NPY2R: variants seen among roughly 807,000 people sequenced by gnomAD.
NPY2R encodes neuropeptide Y receptor type 2.
A neutral mutation model predicts 22.3 loss-of-function variants in NPY2R; 17 were observed. That is an observed-to-expected ratio of 0.76 (90% CI 0.52 to 1.14). NPY2R has a LOEUF of 1.14. Among genes scored for constraint, NPY2R ranks in the 50% most tolerant of loss-of-function variants. NPY2R has a pLI of 0.00. For synonymous variants in NPY2R, 209 were observed against 183.4 expected, an observed-to-expected ratio of 1.14 and a Z score of -1.13; for missense variants, 424 against 467.9, an observed-to-expected ratio of 0.91 and a Z score of 0.87.
chr4:155,215,553 T>A lies in NPY2R; in HGVS notation c.*468T>A, dbSNP rs544635358. 1 of 198,382 alleles carries A rather than the reference T, an allele frequency of 5.0e-6. No individual in the cohort carries two copies. Among genetic ancestry groups the A allele is most frequent in the African/African-American group, 2.4e-5 (1 of 42,180 alleles). The allele number at this position is 198,382 out of a possible 1,614,324, so 12.3% of individuals were successfully genotyped here. Reference sequence around the variant, plus strand: ...CCAGGGAGCCACAGGCTCTCCTTCATCGCATTTTGATTTTTTTGTTCATTC... The same window carrying A: ...CCAGGGAGCCACAGGCTCTCCTTCAACGCATTTTGATTTTTTTGTTCATTC... On this transcript the variant is annotated 3_prime_UTR_variant, in exon 2 of 2. Transcript: ENST00000329476.
chr4:155,182,333 A>T, the NPY2R span, among the ~76,000 whole-genome samples: 1 of 152,142 alleles, frequency 6.6e-6, no homozygotes, highest in African/African-American at 2.4e-5. Flanking sequence ...AATTGCACTA[A>T]CTACCCCTAA....
chr4:155,202,208 T>C, the NPY2R span, among the ~76,000 whole-genome samples: 2 of 152,278 alleles, frequency 1.3e-5, no homozygotes, highest in East Asian at 1.9e-4. Flanking sequence ...AGTATTTCTA[T>C]CTAGGTTTAC....
In NPY2R at chr4:155,216,488, A is replaced by G. The variant is rs1015154356; in HGVS notation, c.*1403A>G. The G allele has an allele frequency of 3.0e-5, 5 of 166,764 alleles. No homozygotes were observed. Among genetic ancestry groups the G allele is most frequent in the African/African-American group, 9.6e-5 (4 of 41,472 alleles). 10.3% of individuals were successfully genotyped at this position (166,764 alleles called of 1,614,324 possible). On this transcript the variant is annotated 3_prime_UTR_variant, in exon 2 of 2. Transcript: ENST00000329476. ...TTTCATTAGTCATATTTTTGTAAAT[A>G]TGACAGAATTTGTGAATATATTTTT...
intron 1 of NPY2R, among the ~76,000 whole-genome samples, chr4:155,209,621 A>T (rs921921900): frequency 6.6e-6 from 1 of 152,204 alleles, no homozygotes; most frequent in African/African-American, 2.4e-5. Context: ...AATATTTTCA[A>T]CTTTCTACTG....
rs1215123037 is a variant in NPY2R at position 155,217,061 on chromosome 4, A to C, written c.*1976A>C. ...TGTAGAGGCTTTATGTTGCAATTAAAAAGTTGGGAAAATGAGAGAAATTGT... is the reference window on the plus strand; with the variant it reads ...TGTAGAGGCTTTATGTTGCAATTAACAAGTTGGGAAAATGAGAGAAATTGT... On this transcript the variant is annotated 3_prime_UTR_variant, in exon 2 of 2. Coordinates refer to ENST00000329476, the MANE Select transcript of NPY2R (RefSeq NM_000910.4). The C allele has an allele frequency of 6.0e-6, 1 of 165,390 alleles. No homozygotes were observed. Among genetic ancestry groups the C allele is most frequent in the Non-Finnish European group, 1.5e-5 (1 of 68,122 alleles). 10.2% of individuals were successfully genotyped at this position (165,390 alleles called of 1,614,324 possible).
chr4:155,182,823 C>T, the NPY2R span, among the ~76,000 whole-genome samples: 29 of 152,104 alleles, frequency 1.9e-4, no homozygotes, highest in African/African-American at 6.3e-4. Context: ...GATGGAGTCT[C>T]GCTGTTTCAC....
chr4:155,186,277 C>G, the NPY2R span, among the ~76,000 whole-genome samples: 1 of 152,122 alleles, frequency 6.6e-6, no homozygotes, highest in Admixed American at 6.6e-5. Context: ...TAGTTTAACA[C>G]AGCTTTATAT....
chr4:155,183,281 A>G, the NPY2R span, among the ~76,000 whole-genome samples: 1 of 152,152 alleles, frequency 6.6e-6, no homozygotes, highest in African/African-American at 2.4e-5. Context: ...TGCTAAACAA[A>G]CGCCTCCATT....
At chr4:155,184,775 G>T in the NPY2R span, among the ~76,000 whole-genome samples, 1 of 151,916 alleles carries the variant, frequency 6.6e-6, no homozygotes, top group Non-Finnish European at 1.5e-5. Context: ...TAGTCTAATT[G>T]TGTCTGGCAA....
chr4:155,176,802 G>T, the NPY2R span, among the ~76,000 whole-genome samples: 1 of 152,082 alleles, frequency 6.6e-6, no homozygotes, highest in African/African-American at 2.4e-5. Flanking sequence ...TATCTGGCGG[G>T]GACCCAGTGT....
rs374058599 is a variant in NPY2R at position 155,213,997 on chromosome 4, G to T, written c.58G>T (p.Glu20Ter). 18 of 1,613,966 alleles carry T rather than the reference G, an allele frequency of 1.1e-5. No homozygotes were observed. Among genetic ancestry groups the T allele is most frequent in the Non-Finnish European group, 1.5e-5 (18 of 1,180,014 alleles). ...ENQTVEEMKV[E>*]QYGPQTTPRG... ...CCAGACAGTGGAAGAAATGAAGGTG[G>T]AACAATACGGGCCACAAACAACTCC... Residue 20 changes from glutamate to a stop codon, truncating the protein, a stop_gained, in exon 2 of 2, where the codon GAA becomes TAA. Transcript: ENST00000329476. LOFTEE classifies it high-confidence loss of function.
chr4:155,194,147 T>G, the NPY2R span, among the ~76,000 whole-genome samples: 1 of 150,174 alleles, frequency 6.7e-6, no homozygotes, highest in African/African-American at 2.4e-5. Flanking sequence ...TGGAAGCAGA[T>G]GGCACACATT....
chr4:155,202,655 A>G, the NPY2R span, among the ~76,000 whole-genome samples: 72,098 of 151,890 alleles, frequency 0.47, 18,088 homozygotes, highest in African/African-American at 0.64. Flanking sequence ...CCAAAATGCT[A>G]TGTGAAAACT....
chr4:155,176,413 C>T, the NPY2R span, among the ~76,000 whole-genome samples: 12 of 152,116 alleles, frequency 7.9e-5, no homozygotes, highest in Admixed American at 7.9e-4. Flanking sequence ...TGGTAGATGG[C>T]CACTGGCAGA....
At chr4:155,180,858 TTA>T in the NPY2R span, among the ~76,000 whole-genome samples, 1 of 151,542 alleles carries the variant, frequency 6.6e-6, no homozygotes, top group Non-Finnish European at 1.5e-5. Context: ...TATTTATTTA[TTA>T]TATATAAATA....
chr4:155,174,478 A>ATATATATATATG, the NPY2R span, among the ~76,000 whole-genome samples: 2 of 88,758 alleles, frequency 2.3e-5, no homozygotes, highest in African/African-American at 1.2e-4. Context: ...ATATATATAT[A>ATATATATATATG]TATATATTTT....
chr4:155,174,484 A>ATATATTT, the NPY2R span, among the ~76,000 whole-genome samples: 207 of 106,064 alleles, frequency 2.0e-3, 3 homozygotes, highest in Admixed American at 3.7e-3. Context: ...ATATATATAT[A>ATATATTT]TTTTTTTTTT....
chr4:155,190,495 A>G, the NPY2R span, among the ~76,000 whole-genome samples: 1 of 151,944 alleles, frequency 6.6e-6, no homozygotes, highest in Non-Finnish European at 1.5e-5. Context: ...AACTTCCTGT[A>G]CTATATTAGT....
intron 1 of NPY2R, among the ~76,000 whole-genome samples, chr4:155,211,290 A>T (rs1463083185): frequency 2.6e-5 from 4 of 152,202 alleles, no homozygotes; most frequent in African/African-American, 9.6e-5. Flanking sequence ...GAAAACAGTC[A>T]CAACGTGGCA....
Sources: allele counts gnomAD v4.1 joint callset (sites outside exome capture counted in the v4.1 genomes callset), GRCh38; gene constraint gnomAD v4.1.1; transcripts MANE v1.5; gene names NCBI Gene and HGNC (gene_info 2026-07-23, HGNC 2026-07-21).